Variants in DAAM1 observed in about 807,000 individuals in gnomAD.
The protein encoded by DAAM1 is disheveled-associated activator of morphogenesis 1.
A neutral mutation model predicts 130.0 loss-of-function variants in DAAM1; 52 were observed. The observed-to-expected ratio is 0.40, with a 90% CI of 0.32 to 0.50. The LOEUF is 0.50. Ranked by LOEUF, DAAM1 falls within the 20% of genes least tolerant of loss-of-function variation. The pLI is 0.61. For synonymous variants in DAAM1, 452 were observed against 444.5 expected, an observed-to-expected ratio of 1.02 and a Z score of -0.21; for missense variants, 1,134 against 1,303.8, an observed-to-expected ratio of 0.87 and a Z score of 2.01.
chr14:59,321,571 A>G (rs972641762), intron 5 of DAAM1, among the ~76,000 whole-genome samples: 1 of 152,188 alleles, frequency 6.6e-6, no homozygotes, highest in African/African-American at 2.4e-5. Flanking sequence ...TAATGCCTCT[A>G]GGATTTGCTG....
intron 16 of DAAM1, among the ~76,000 whole-genome samples, chr14:59,347,085 T>G (rs1331463805): frequency 6.6e-6 from 1 of 152,058 alleles, no homozygotes; most frequent in African/African-American, 2.4e-5. Context: ...TATTATCTGT[T>G]GCTCAACTTT....
intron 1 of DAAM1, among the ~76,000 whole-genome samples, chr14:59,193,712 C>G (rs1887802057): frequency 6.6e-6 from 1 of 152,118 alleles, no homozygotes. Context: ...TTTAAGCGTT[C>G]CTGGTTTTTA....
intron 3 of DAAM1, 40 bp downstream of exon 3, chr14:59,291,346 T>A: frequency 6.8e-7 from 1 of 1,479,162 alleles, no homozygotes; most frequent in Non-Finnish European, 9.3e-7. Flanking sequence ...TGGAAAATAA[T>A]CATTGATTCC....
rs898693943 is a variant in DAAM1, at chr14:59,369,511, T to A, written c.*652T>A. ...GTAGAATGTCAATCAAGTTTTTGTA[T>A]ATTTAAAAGTTGGACATCAATTTTT... On this transcript the variant is annotated 3_prime_UTR_variant, in exon 25 of 25. Coordinates refer to ENST00000360909, the MANE Select transcript of DAAM1 (RefSeq NM_001270520.2). 5 of 152,558 alleles carry A rather than the reference T, an allele frequency of 3.3e-5. No homozygotes were observed. Among genetic ancestry groups the A allele is most frequent in the Non-Finnish European group, 7.4e-5 (5 of 67,996 alleles). The allele number at this position is 152,558 out of a possible 1,614,324, so 9.5% of individuals were successfully genotyped here.
chr14:59,364,015 T>C (rs1285524632), intron 23 of DAAM1, among the ~76,000 whole-genome samples: 1 of 152,232 alleles, frequency 6.6e-6, no homozygotes, highest in African/African-American at 2.4e-5. Flanking sequence ...CTGACTGGCC[T>C]ATGTTGCCTT....
chr14:59,341,740 A>C (rs1594835886), intron 16 of DAAM1, among the ~76,000 whole-genome samples: 1 of 152,198 alleles, frequency 6.6e-6, no homozygotes, highest in East Asian at 1.9e-4. Context: ...ACCTTTTTAT[A>C]AGTAGTATTC....
chr14:59,264,592 TATC>T (rs1459622008), intron 2 of DAAM1: 1 of 152,092 alleles, frequency 6.6e-6, no homozygotes, highest in African/African-American at 2.4e-5. Flanking sequence ...ATGAATACTG[TATC>T]CTGCTTTGAT....
At chr14:59,236,286 A>G (rs529089084) in intron 1 of DAAM1, among the ~76,000 whole-genome samples, 4 of 152,130 alleles carry the variant, frequency 2.6e-5, no homozygotes, top group Admixed American at 6.6e-5. Context: ...TTGTTTAATA[A>G]CTAAGGACCT....
intron 17 of DAAM1, among the ~76,000 whole-genome samples, chr14:59,348,356 T>C (rs1886160505): frequency 6.9e-6 from 1 of 145,156 alleles, no homozygotes; most frequent in Non-Finnish European, 1.6e-5. Flanking sequence ...TTGGCATCTT[T>C]GTCTGGTTGT....
chr14:59,313,031 G>A (rs1435382071), intron 3 of DAAM1, among the ~76,000 whole-genome samples: 1 of 152,210 alleles, frequency 6.6e-6, no homozygotes, highest in African/African-American at 2.4e-5. Context: ...AAGAAAAAGG[G>A]AAGAGTTGGA....
chr14:59,357,420 C>T (rs1400921634), intron 20 of DAAM1: 1 of 152,148 alleles, frequency 6.6e-6, no homozygotes. Context: ...GCATTTTGCT[C>T]ACTCCTTGTA....
chr14:59,330,587 T>C lies in DAAM1; in HGVS notation c.1459T>C (p.Leu487=). ...AGAGAAGGAAGAGATGATGCAGACC[T>C]TAAATAAAATGAAAGAGAAACTTGA... is the stretch of plus-strand genomic sequence containing the variant. The part of the protein sequence containing the change: ...TQEKEEMMQT[L]NKMKEKLEKE... The change falls in exon 13 of 25, where the codon TTA becomes CTA. Residue 487 remains leucine (L), a synonymous_variant. Coordinates refer to ENST00000360909, the MANE Select transcript of DAAM1 (RefSeq NM_001270520.2). 1.9e-6 allele frequency: 3 copies of C among 1,613,948 alleles called. No homozygotes were observed. Among genetic ancestry groups the C allele is most frequent in the Non-Finnish European group, 1.7e-6 (2 of 1,179,970 alleles).
At chr14:59,280,764 G>A (rs909437628) in intron 2 of DAAM1, among the ~76,000 whole-genome samples, 1 of 152,056 alleles carries the variant, frequency 6.6e-6, no homozygotes, top group African/African-American at 2.4e-5. Flanking sequence ...CTGATGCCTT[G>A]TAAAAGCTTA....
intron 2 of DAAM1, among the ~76,000 whole-genome samples, chr14:59,271,338 TG>T (rs1231420635): frequency 2.0e-5 from 3 of 152,008 alleles, no homozygotes; most frequent in African/African-American, 7.2e-5. Flanking sequence ...GTAGTGATGG[TG>T]GATACTGTAG....
chr14:59,337,169 A>C (rs1332420460), intron 15 of DAAM1, among the ~76,000 whole-genome samples: 1 of 152,232 alleles, frequency 6.6e-6, no homozygotes. Context: ...AAATAGGTTA[A>C]GATGACTTCA....
chr14:59,214,195 A>G (rs563494418), intron 1 of DAAM1, among the ~76,000 whole-genome samples: 55 of 152,292 alleles, frequency 3.6e-4, no homozygotes, highest in African/African-American at 1.1e-3. Context: ...ACAGTTTGCA[A>G]AGGGTGCTGT....
intron 23 of DAAM1, among the ~76,000 whole-genome samples, chr14:59,366,837 G>C (rs1440196519): frequency 6.6e-6 from 1 of 151,622 alleles, no homozygotes; most frequent in East Asian, 1.9e-4. Context: ...TTGCCCAGGA[G>C]TTTTTGGCTG....
At chr14:59,358,427 A>G (rs998292839) in intron 20 of DAAM1, among the ~76,000 whole-genome samples, 8 of 152,358 alleles carry the variant, frequency 5.3e-5, no homozygotes, top group African/African-American at 1.9e-4. Context: ...TTGCTAAATT[A>G]GGAAGTGGAT....
chr14:59,342,850 G>T (rs148243594), intron 16 of DAAM1, among the ~76,000 whole-genome samples: 40 of 152,298 alleles, frequency 2.6e-4, no homozygotes, highest in African/African-American at 9.4e-4. Context: ...AAGAGGAGGG[G>T]CCGGGAAGGT....
Sources: gnomAD v4.1 joint callset for allele counts (sites outside exome capture counted in the v4.1 genomes callset) on GRCh38, gnomAD v4.1.1 for gene constraint, MANE v1.5 for transcripts, NCBI Gene and HGNC (gene_info 2026-07-23, HGNC 2026-07-21) for gene names.